The following RALYL variants were observed in gnomAD, a reference collection of about 807,000 sequenced individuals.
RALYL encodes RALY RNA binding protein like, also known as RNA-binding Raly-like protein.
A neutral mutation model predicts 35.1 loss-of-function variants in RALYL; 29 were observed. That is an observed-to-expected ratio of 0.83 (90% CI 0.61 to 1.13). The LOEUF (loss-of-function observed/expected upper bound fraction) is 1.13, where lower values mean the gene tolerates loss of function less well. RALYL is among the 50% of genes most tolerant of loss of function. The pLI, the probability that RALYL is intolerant of heterozygous loss-of-function variation, is 0.00. For missense variants in RALYL, 359 were observed against 360.4 expected (o/e 1.00, Z 0.03); for synonymous variants, 120 against 127.6 (o/e 0.94, Z 0.40).
At chr8:84,745,064 A>AACACACACAC (rs140133347) in intron 2 of RALYL, among the ~76,000 whole-genome samples, 1 of 149,226 alleles carries the variant, frequency 6.7e-6, no homozygotes, top group South Asian at 2.1e-4. Flanking sequence ...TCCCAAAACA[A>AACACACACAC]ACACACACAC....
rs185007437 is a variant in RALYL at position 84,655,295 on chromosome 8, T to G, written c.257-119284T>G. The stretch of plus-strand genomic sequence containing the variant: ...CCCTTTTTAAATCAGATTATTAGGG[T>G]TTTTTTTTTGTTTTTGTCTTGTTTT... On this transcript the variant is annotated intron_variant, in intron 2 of 8. Coordinates refer to ENST00000521268, the MANE Select transcript of RALYL (RefSeq NM_173848.7). Among the ~76,000 whole-genome samples, 193 of 139,566 alleles carry G rather than the reference T, an allele frequency of 1.4e-3. 1 individual carries two copies. The highest frequency in any genetic ancestry group is 7.2e-3 in the Admixed American group (102 of 14,170). The allele number at this position is 139,566 out of a possible 152,430, so 91.6% of individuals were successfully genotyped here. A position where few individuals can be genotyped will look rare whatever the true frequency, so the allele number is the denominator to read the frequency against.
At chr8:84,750,571 G>C (rs958435467) in intron 2 of RALYL, among the ~76,000 whole-genome samples, 1 of 152,150 alleles carries the variant, frequency 6.6e-6, no homozygotes, top group East Asian at 1.9e-4. Context: ...CAATTTGCCA[G>C]TACTGAGAGA....
At chr8:84,233,513 T>C (rs1825827183) in intron 1 of RALYL, among the ~76,000 whole-genome samples, 1 of 152,174 alleles carries the variant, frequency 6.6e-6, no homozygotes, top group African/African-American at 2.4e-5. Flanking sequence ...TGAGTAGACT[T>C]GGAATTAATC....
intron 1 of RALYL, among the ~76,000 whole-genome samples, chr8:84,344,936 A>G (rs2130954193): frequency 6.6e-6 from 1 of 152,118 alleles, no homozygotes; most frequent in South Asian, 2.1e-4. Context: ...TTCTTTATCC[A>G]TTCATCCACT....
At chr8:84,302,936 G>A (rs935502254) in intron 1 of RALYL, among the ~76,000 whole-genome samples, 1 of 152,200 alleles carries the variant, frequency 6.6e-6, no homozygotes, top group Non-Finnish European at 1.5e-5. Flanking sequence ...AATAGTTGGC[G>A]AGACTTTGAG....
intron 6 of RALYL, among the ~76,000 whole-genome samples, chr8:84,863,594 T>C (rs563645779): frequency 6.6e-6 from 1 of 152,196 alleles, no homozygotes; most frequent in Admixed American, 6.5e-5. Context: ...CATAGTAGAG[T>C]CTCTTAGTTC....
At chr8:84,434,510 G>T (rs763383076) in intron 1 of RALYL, among the ~76,000 whole-genome samples, 7 of 152,036 alleles carry the variant, frequency 4.6e-5, no homozygotes, top group Non-Finnish European at 7.4e-5. Context: ...ATGTATACAG[G>T]TACCAGAACA....
intron 1 of RALYL, among the ~76,000 whole-genome samples, chr8:84,514,009 C>G (rs2057838242): frequency 7.1e-6 from 1 of 141,546 alleles, no homozygotes; most frequent in East Asian, 2.3e-4. Flanking sequence ...GCAGGAGAAT[C>G]ACTTGAACCT....
chr8:84,584,300 AT>A (rs975230542), intron 2 of RALYL, among the ~76,000 whole-genome samples: 4 of 152,276 alleles, frequency 2.6e-5, no homozygotes, highest in Admixed American at 1.3e-4. Flanking sequence ...ACCTTTTACC[AT>A]TTTTAAATTA....
intron 1 of RALYL, among the ~76,000 whole-genome samples, chr8:84,236,702 T>C (rs1050362265): frequency 2.0e-5 from 3 of 152,168 alleles, no homozygotes; most frequent in African/African-American, 7.2e-5. Flanking sequence ...CTCACTATAC[T>C]TTTCCAATCA....
chr8:84,287,561 G>A (rs1335384920), intron 1 of RALYL, among the ~76,000 whole-genome samples: 1 of 152,120 alleles, frequency 6.6e-6, no homozygotes, highest in African/African-American at 2.4e-5. Flanking sequence ...AGAGGAGAGT[G>A]TAGGGAGAAT....
chr8:84,307,207 A>G (rs963037449), intron 1 of RALYL, among the ~76,000 whole-genome samples: 2 of 152,130 alleles, frequency 1.3e-5, no homozygotes, highest in Non-Finnish European at 1.5e-5. Flanking sequence ...GTGTATTTAT[A>G]TGGAGAGTAG....
intron 2 of RALYL, among the ~76,000 whole-genome samples, chr8:84,581,547 G>C (rs1431196419): frequency 6.6e-6 from 1 of 152,062 alleles, no homozygotes; most frequent in Non-Finnish European, 1.5e-5. Flanking sequence ...CATTGGATGT[G>C]CTCAATAATT....
chr8:84,893,246 A>G (rs1844181269), intron 8 of RALYL, among the ~76,000 whole-genome samples: 1 of 152,242 alleles, frequency 6.6e-6, no homozygotes, highest in South Asian at 2.1e-4. Context: ...TTGTCCCCAG[A>G]TCATTTTATG....
chr8:84,345,374 G>A (rs1849647861), intron 1 of RALYL, among the ~76,000 whole-genome samples: 1 of 151,766 alleles, frequency 6.6e-6, no homozygotes, highest in Non-Finnish European at 1.5e-5. Context: ...CCCTCACAAA[G>A]GCAGTTTAGA....
At chr8:84,475,365 G>C (rs1357178611) in intron 1 of RALYL, among the ~76,000 whole-genome samples, 1 of 151,990 alleles carries the variant, frequency 6.6e-6, no homozygotes, top group African/African-American at 2.4e-5. Context: ...GACTATAGGT[G>C]CACATCACCA....
At chr8:84,866,692 A>G (rs1839235001) in intron 6 of RALYL, among the ~76,000 whole-genome samples, 1 of 152,196 alleles carries the variant, frequency 6.6e-6, no homozygotes, top group Admixed American at 6.5e-5. Flanking sequence ...CGGCTAATAT[A>G]AAAGCCTTAA....
intron 2 of RALYL, among the ~76,000 whole-genome samples, chr8:84,676,849 C>A (rs1834303046): frequency 6.6e-6 from 1 of 152,080 alleles, no homozygotes; most frequent in African/African-American, 2.4e-5. Flanking sequence ...GTCACCCAGG[C>A]TGGAATGCAG....
intron 1 of RALYL, among the ~76,000 whole-genome samples, chr8:84,422,915 AGTTT>A (rs2045846023): frequency 6.9e-6 from 1 of 145,466 alleles, no homozygotes; most frequent in Non-Finnish European, 1.5e-5. Context: ...TCTGAGAGAT[AGTTT>A]GTTATAATTT....
Sources: gnomAD v4.1 joint callset for allele counts (sites outside exome capture counted in the v4.1 genomes callset) on GRCh38, gnomAD v4.1.1 for gene constraint, MANE v1.5 for transcripts, NCBI Gene and HGNC (gene_info 2026-07-23, HGNC 2026-07-21) for gene names.